EPHB1: variants seen among roughly 807,000 people sequenced by gnomAD.
EPHB1 encodes EPH receptor B1, also known as ephrin type-B receptor 1.
A neutral mutation model predicts 94.4 loss-of-function variants in EPHB1; 30 were observed. The ratio of observed to expected loss-of-function variants is 0.32; its 90% CI spans 0.24 to 0.43. The LOEUF (loss-of-function observed/expected upper bound fraction) is 0.43. Ranked by LOEUF, EPHB1 falls within the 20% of genes least tolerant of loss-of-function variation. The pLI, the probability that EPHB1 is intolerant of heterozygous loss-of-function variation, is 1.00. For synonymous variants in EPHB1, 522 were observed against 489.1 expected (o/e 1.07, Z -0.89); for missense variants, 1,055 against 1,308.3 (o/e 0.81, Z 2.99).
intron 2 of EPHB1, among the ~76,000 whole-genome samples, chr3:134,938,006 G>A (rs949747031): frequency 6.6e-6 from 1 of 151,654 alleles, no homozygotes; most frequent in Non-Finnish European, 1.5e-5. Flanking sequence ...GGGGAAATGG[G>A]AAAGGAGGAA....
intron 7 of EPHB1, 66 bp downstream of exon 7, chr3:135,162,246 A>G: frequency 6.8e-7 from 1 of 1,481,414 alleles, no homozygotes; most frequent in African/African-American, 1.4e-5. Flanking sequence ...AGTAGCCCCA[A>G]AGATGCTGCA....
chr3:134,844,048 G>A (rs890871810), intron 1 of EPHB1, among the ~76,000 whole-genome samples: 5 of 152,198 alleles, frequency 3.3e-5, no homozygotes, highest in Non-Finnish European at 5.9e-5. Context: ...TGATGATGTT[G>A]TTACTGGTTT....
rs533881660 is a variant in EPHB1 at position 135,082,645 on chromosome 3, A to G, written c.806-23803A>G. On this transcript the variant is annotated intron_variant, in intron 3 of 15. Coordinates refer to ENST00000398015, the MANE Select transcript of EPHB1 (RefSeq NM_004441.5). ...TGGAATGTGAGCTAAGCTGTAGAGA[A>G]TAGGACACATTTCAGGTTTAGAGAT... 2.2e-4 allele frequency among the ~76,000 whole-genome samples: 33 copies of G among 152,368 alleles called. No individual in the cohort carries two copies. In the South Asian group the frequency reaches 2.3e-3, roughly 11 times the overall value.
intron 9 of EPHB1, among the ~76,000 whole-genome samples, chr3:135,169,876 A>G (rs1453005253): frequency 1.3e-5 from 2 of 152,202 alleles, no homozygotes; most frequent in African/African-American, 4.8e-5. Context: ...TGCTCTTTCC[A>G]CAGCCTGATT....
rs749911427 is a variant in EPHB1, at chr3:134,951,754, T to C, written c.507T>C (p.Thr169=). Residue 169 remains threonine (T), a synonymous_variant, in exon 3 of 16, where the codon ACT becomes ACC. Coordinates refer to ENST00000398015, the MANE Select transcript of EPHB1 (RefSeq NM_004441.5). This position sits in a 1 kb window ranked among gnomAD's most constrained non-coding sequence, Gnocchi z 4.5. ...AAGTCAGGAGCTTTGGGCCTCTTAC[T>C]CGGAATGGTTTTTACCTCGCTTTTC... ...NTEVRSFGPL[T]RNGFYLAFQD... is the part of the protein sequence containing the mutation. 1 of 1,614,044 alleles carries C rather than the reference T, an allele frequency of 6.2e-7. No individual in the cohort carries two copies. The highest frequency in any genetic ancestry group is 1.1e-5 in the South Asian group (1 of 91,078).
intron 5 of EPHB1, among the ~76,000 whole-genome samples, chr3:135,143,502 G>C (rs1940899609): frequency 6.6e-6 from 1 of 152,188 alleles, no homozygotes; most frequent in African/African-American, 2.4e-5. Context: ...TGAGAGCCAG[G>C]TGTAACAGGG....
At chr3:135,097,145 C>T (rs1576380958) in intron 3 of EPHB1, among the ~76,000 whole-genome samples, 1 of 142,100 alleles carries the variant, frequency 7.0e-6, no homozygotes, top group African/African-American at 2.6e-5. Flanking sequence ...AATTAGGCTT[C>T]AACGTATGAT....
chr3:134,882,871 A>T (rs1485937067), intron 1 of EPHB1, among the ~76,000 whole-genome samples: 4 of 133,338 alleles, frequency 3.0e-5, no homozygotes, highest in African/African-American at 1.1e-4. Flanking sequence ...CACCCAGGCT[A>T]GAGTGCAGTG....
At chr3:135,076,018 G>C (rs1937898214) in intron 3 of EPHB1, among the ~76,000 whole-genome samples, 1 of 152,164 alleles carries the variant, frequency 6.6e-6, no homozygotes, top group East Asian at 1.9e-4. Context: ...ATATCCATAA[G>C]CAGGAAAAAC....
chr3:134,858,336 G>T (rs936977306), intron 1 of EPHB1, among the ~76,000 whole-genome samples: 1 of 152,126 alleles, frequency 6.6e-6, no homozygotes, highest in African/African-American at 2.4e-5. Flanking sequence ...TGCTTTGTAT[G>T]TGTGTCTGTG....
intron 3 of EPHB1, among the ~76,000 whole-genome samples, chr3:134,995,378 G>A (rs1934956212): frequency 6.6e-6 from 1 of 152,124 alleles, no homozygotes; most frequent in Admixed American, 6.5e-5. Context: ...ACTACAGATT[G>A]CTTCACCATT....
intron 3 of EPHB1, among the ~76,000 whole-genome samples, chr3:134,993,167 T>C (rs1934872610): frequency 6.6e-6 from 1 of 152,234 alleles, no homozygotes; most frequent in Non-Finnish European, 1.5e-5. Context: ...TTGCTCTGTC[T>C]GTTTCTAAGC....
chr3:135,045,631 G>T (rs1350323469), intron 3 of EPHB1, among the ~76,000 whole-genome samples: 1 of 152,204 alleles, frequency 6.6e-6, no homozygotes, highest in African/African-American at 2.4e-5. Flanking sequence ...AACTGAAAGT[G>T]TTTGTTGCAA....
intron 3 of EPHB1, among the ~76,000 whole-genome samples, chr3:134,970,426 C>T (rs1933922816): frequency 6.6e-6 from 1 of 152,174 alleles, no homozygotes; most frequent in African/African-American, 2.4e-5. Flanking sequence ...CTACCCTGTC[C>T]ACTGCTCCCA....
intron 13 of EPHB1, among the ~76,000 whole-genome samples, chr3:135,245,805 CAAAAA>C (rs34702210): frequency 3.7e-5 from 1 of 26,778 alleles, no homozygotes; most frequent in Non-Finnish European, 8.2e-5. Flanking sequence ...GACACCATCT[CAAAAA>C]AAAAAAAAAA....
At chr3:135,210,671 A>G (rs952394046) in intron 12 of EPHB1, among the ~76,000 whole-genome samples, 7 of 152,148 alleles carry the variant, frequency 4.6e-5, no homozygotes, top group Admixed American at 6.5e-5. Flanking sequence ...CAAGTGAGTT[A>G]CTCAAGCCAC....
chr3:135,155,237 G>A (rs1440237509), intron 6 of EPHB1, among the ~76,000 whole-genome samples: 1 of 152,164 alleles, frequency 6.6e-6, no homozygotes, highest in African/African-American at 2.4e-5. Context: ...GGAGGGTTAG[G>A]CTTGGGAAAG....
At chr3:134,917,872 T>A (rs998683694) in intron 1 of EPHB1, among the ~76,000 whole-genome samples, 1 of 152,232 alleles carries the variant, frequency 6.6e-6, no homozygotes, top group Non-Finnish European at 1.5e-5. Flanking sequence ...GTCAAATGAG[T>A]GTTCTTAAGA....
At chr3:135,149,887 C>T (rs974008499) in intron 5 of EPHB1, among the ~76,000 whole-genome samples, 6 of 152,170 alleles carry the variant, frequency 3.9e-5, no homozygotes, top group Non-Finnish European at 8.8e-5. Context: ...GGAGTCCATA[C>T]CATGTGTAGT....
Sources: allele counts gnomAD v4.1 joint callset (sites outside exome capture counted in the v4.1 genomes callset), GRCh38; gene constraint gnomAD v4.1.1; non-coding constraint Gnocchi (gnomAD v3.1); transcripts MANE v1.5; gene names NCBI Gene and HGNC (gene_info 2026-07-23, HGNC 2026-07-21).